The following PPIG variants were observed in gnomAD, a reference collection of about 807,000 sequenced individuals.
PPIG encodes peptidylprolyl isomerase G.
A neutral mutation model predicts 87.9 loss-of-function variants in PPIG; 26 were observed. That is an observed-to-expected ratio of 0.30 (90% CI 0.22 to 0.41). The LOEUF (loss-of-function observed/expected upper bound fraction) is 0.41. PPIG is among the 10% of genes least tolerant of loss of function. PPIG has a pLI of 1.00. For missense variants in PPIG, 722 were observed against 879.4 expected (o/e 0.82, Z 2.26); for synonymous variants, 308 against 276.5 (o/e 1.11, Z -1.13).
intron 1 of PPIG, among the ~76,000 whole-genome samples, chr2:169,588,972 A>C (rs1406064927): frequency 2.6e-5 from 4 of 151,958 alleles, no homozygotes; most frequent in South Asian, 4.1e-4. Flanking sequence ...AAAAAAAAAA[A>C]AAAAAAAAAA....
chr2:169,588,826 G>A (rs1005447353), intron 1 of PPIG, among the ~76,000 whole-genome samples: 3 of 151,866 alleles, frequency 2.0e-5, no homozygotes, highest in African/African-American at 7.3e-5. Context: ...CGGGCATGGT[G>A]GCGCATGCCT....
At chr2:169,632,042 A>G in intron 11 of PPIG, 109 bp downstream of exon 11, 1 of 1,282,258 alleles carries the variant, frequency 7.8e-7, no homozygotes, top group Non-Finnish European at 1.0e-6. Context: ...CCCAAGATTG[A>G]AATCTTTTTT....
At chr2:169,615,717 A>G (rs1037616700) in intron 9 of PPIG, among the ~76,000 whole-genome samples, 6 of 141,932 alleles carry the variant, frequency 4.2e-5, no homozygotes, top group African/African-American at 1.6e-4. Context: ...AAACAGGTTG[A>G]TTCAGTATCT....
chr2:169,625,586 A>C (rs17518900), intron 9 of PPIG, among the ~76,000 whole-genome samples: 17,119 of 152,100 alleles, frequency 0.11, 1,215 homozygotes, highest in South Asian at 0.26. Flanking sequence ...GTGTCTCCTT[A>C]AGAGCTATTT....
intron 1 of PPIG, among the ~76,000 whole-genome samples, chr2:169,586,995 A>G (rs1222076467): frequency 2.0e-5 from 3 of 151,482 alleles, no homozygotes; most frequent in African/African-American, 4.8e-5. Flanking sequence ...GTGCAGTGGC[A>G]TGATCTCAGC....
At chr2:169,585,180 G>A (rs1275785787) in intron 1 of PPIG, among the ~76,000 whole-genome samples, 2 of 152,042 alleles carry the variant, frequency 1.3e-5, no homozygotes, top group Non-Finnish European at 2.9e-5. Context: ...GGCCTTTTAG[G>A]AGGAGATAAT....
In PPIG at chr2:169,636,951, C is replaced by T; in HGVS notation, c.1693C>T (p.Arg565Ter). The T allele has an allele frequency of 1.9e-6, 3 of 1,613,716 alleles. No individual in the cohort carries two copies. Among genetic ancestry groups the T allele is most frequent in the Non-Finnish European group, 2.5e-6 (3 of 1,179,910 alleles). The stretch of plus-strand genomic sequence containing the variant: ...CAGTTATAATAGCAGAACAAGAGAA[C>T]GAAGCAGAAGTAGGGACAGAAGCAG... ...KHSYNSRTRE[R>*]SRSRDRSRRV... Residue 565 changes from arginine (R) to a stop codon, truncating the protein, a stop_gained, in exon 14 of 14, where the codon CGA becomes TGA. Transcript: ENST00000260970. LOFTEE classifies it high-confidence loss of function.
At chr2:169,615,658 A>G (rs991661062) in intron 9 of PPIG, among the ~76,000 whole-genome samples, 2 of 152,192 alleles carry the variant, frequency 1.3e-5, no homozygotes, top group Non-Finnish European at 2.9e-5. Flanking sequence ...ATAGTATTCC[A>G]TTGTGTATAT....
chr2:169,627,424 C>T (rs1685918703), intron 9 of PPIG, among the ~76,000 whole-genome samples: 1 of 152,132 alleles, frequency 6.6e-6, no homozygotes, highest in Non-Finnish European at 1.5e-5. Context: ...TATCTTGCTT[C>T]ACTAGAATGT....
chr2:169,597,855 CTTGTTTGTTTGTTTGTTTGTTTGT>C (rs56851989), intron 1 of PPIG, among the ~76,000 whole-genome samples: 6 of 150,714 alleles, frequency 4.0e-5, no homozygotes, highest in East Asian at 2.0e-4. Context: ...CTGTACCTTG[CTTGTTTGTTTGTTTGTTTGTTTGT>C]TTGTTTGTTT....
At chr2:169,602,239 A>G (rs1472313386) in intron 1 of PPIG, among the ~76,000 whole-genome samples, 1 of 152,164 alleles carries the variant, frequency 6.6e-6, no homozygotes, top group Non-Finnish European at 1.5e-5. Context: ...AAAATCTGAA[A>G]CACTTCTGGT....
intron 1 of PPIG, among the ~76,000 whole-genome samples, chr2:169,594,616 CTTTCT>C (rs1182028364): frequency 8.3e-6 from 1 of 120,116 alleles, no homozygotes; most frequent in African/African-American, 3.0e-5. Context: ...CAGTTTTACT[CTTTCT>C]TTTCTTTTTT....
At chr2:169,625,546 A>T (rs915472143) in intron 9 of PPIG, among the ~76,000 whole-genome samples, 2 of 152,104 alleles carry the variant, frequency 1.3e-5, no homozygotes, top group African/African-American at 4.8e-5. Context: ...GCTAGTTTCA[A>T]TTAGCATTTC....
intron 9 of PPIG, among the ~76,000 whole-genome samples, chr2:169,615,068 AG>A (rs1685577999): frequency 2.0e-5 from 3 of 151,720 alleles, no homozygotes; most frequent in African/African-American, 7.3e-5. Context: ...GTTTGTTTTG[AG>A]ACAGAGTCTC....
chr2:169,618,461 T>C (rs1399327127), intron 9 of PPIG, among the ~76,000 whole-genome samples: 4 of 152,136 alleles, frequency 2.6e-5, no homozygotes, highest in Non-Finnish European at 4.4e-5. Flanking sequence ...TGGTAGAATT[T>C]AGCTGTGAAT....
intron 9 of PPIG, among the ~76,000 whole-genome samples, chr2:169,628,939 C>CAAAAAAAAAAAAAAAAAAAAA (rs71006010): frequency 2.2e-5 from 2 of 92,350 alleles, no homozygotes; most frequent in African/African-American, 8.2e-5. Flanking sequence ...ACCCTGTCTC[C>CAAAAAAAAAAAAAAAAAAAAA]AAAAAAAAAA....
chr2:169,625,295 C>T (rs1167121473), intron 9 of PPIG, among the ~76,000 whole-genome samples: 2 of 152,164 alleles, frequency 1.3e-5, no homozygotes, highest in Non-Finnish European at 2.9e-5. Context: ...GTGAAAATCT[C>T]TTTCCATGAG....
chr2:169,586,873 T>A (rs1394720773), intron 1 of PPIG, among the ~76,000 whole-genome samples: 1 of 152,218 alleles, frequency 6.6e-6, no homozygotes, highest in Non-Finnish European at 1.5e-5. Context: ...TTAATGCAAG[T>A]GACCTGAAGA....
Position 169,637,322 on chromosome 2 carries a change from C to T in PPIG, c.2064C>T (p.Pro688=), listed in dbSNP as rs775249083. ...REKKADRDQS[P]FSKIKQSSQD... is the part of the protein sequence containing the mutation. ...AAAAGGCTGATAGAGATCAAAGTCCCTTCTCAAAAATAAAACAAAGCAGTC... is the reference window on the plus strand; with the variant it reads ...AAAAGGCTGATAGAGATCAAAGTCCTTTCTCAAAAATAAAACAAAGCAGTC... The change falls in exon 14 of 14, where the codon CCC becomes CCT. Residue 688 remains proline, a synonymous_variant. Coordinates refer to ENST00000260970, the MANE Select transcript of PPIG (RefSeq NM_004792.3). 1.9e-6 allele frequency: 3 copies of T among 1,605,248 alleles called. No individual in the cohort carries two copies. The highest frequency in any genetic ancestry group is 2.2e-5 in the East Asian group (1 of 44,854).
Sources: gnomAD v4.1 joint callset for allele counts (sites outside exome capture counted in the v4.1 genomes callset) on GRCh38, gnomAD v4.1.1 for gene constraint, MANE v1.5 for transcripts, NCBI Gene and HGNC (gene_info 2026-07-23, HGNC 2026-07-21) for gene names.